ARHGEF6: variants seen among roughly 807,000 people sequenced by gnomAD.
ARHGEF6 encodes Rac/Cdc42 guanine nucleotide exchange factor 6.
A neutral mutation model predicts 70.3 loss-of-function variants in ARHGEF6; 9 were observed. That is an observed-to-expected ratio of 0.13 (90% confidence interval 0.08 to 0.22). The LOEUF (loss-of-function observed/expected upper bound fraction) is 0.22, where lower values mean the gene tolerates loss of function less well. ARHGEF6 is among the 10% of genes least tolerant of loss of function. The probability of loss-of-function intolerance (pLI) is 1.00; values close to 1 mark genes in which losing one functional copy is unlikely to be tolerated. For synonymous variants in ARHGEF6, 201 were observed against 207.8 expected, an observed-to-expected ratio of 0.97 and a Z score of 0.28; for missense variants, 470 against 563.0, an observed-to-expected ratio of 0.83 and a Z score of 1.67.
chrX:136,748,112 G>A (rs2077114508), intron 2 of ARHGEF6, among the ~76,000 whole-genome samples: 1 of 111,751 alleles, frequency 8.9e-6, no homozygotes, highest in Non-Finnish European at 1.9e-5. Flanking sequence ...GCCACCCGCT[G>A]CATCCCAACT....
intron 8 of ARHGEF6, among the ~76,000 whole-genome samples, chrX:136,707,345 T>G (rs2076636787): frequency 8.9e-6 from 1 of 112,310 alleles, no homozygotes; most frequent in African/African-American, 3.2e-5. Flanking sequence ...GGTTAATTTA[T>G]CTAAAGTTTG....
intron 5 of ARHGEF6, among the ~76,000 whole-genome samples, chrX:136,739,086 A>ACTT (rs2077016954): frequency 9.0e-6 from 1 of 111,336 alleles, no homozygotes; most frequent in Admixed American, 9.5e-5. Context: ...ACCGCCTCTT[A>ACTT]ATGTAGCTCC....
intron 9 of ARHGEF6, among the ~76,000 whole-genome samples, chrX:136,696,299 T>G (rs2076509372): frequency 9.0e-6 from 1 of 110,953 alleles, no homozygotes; most frequent in African/African-American, 3.3e-5. Flanking sequence ...ACTACTCAGT[T>G]AAAAAAAAGC....
intron 17 of ARHGEF6, 54 bp from the exon 18 acceptor site, chrX:136,676,771 T>C: frequency 1.1e-6 from 1 of 872,826 alleles, no homozygotes; most frequent in South Asian, 2.0e-5. Context: ...AAAACAAAAG[T>C]AAAAGCATGA....
chrX:136,761,277 G>T (rs771095522), intron 2 of ARHGEF6, among the ~76,000 whole-genome samples: 7 of 111,915 alleles, frequency 6.3e-5, no homozygotes, highest in African/African-American at 2.3e-4. Context: ...GAAAGAACAA[G>T]AACTCTTACA....
At position 136,672,073 on chromosome X, in the gene ARHGEF6, C is replaced by T; in HGVS notation, c.2082G>A (p.Glu694=). Residue 694 remains glutamate (E), a synonymous_variant, in exon 20 of 22, where the codon GAG becomes GAA. Coordinates refer to ENST00000250617, the MANE Select transcript of ARHGEF6 (RefSeq NM_004840.3). ...SIPQVLLPEE[E]KLIIEETRSN... is the part of the protein sequence containing the mutation. ...TTCTGGTTTCTTCAATGATGAGTTT[C>T]TCTTCCTCAGGGAGTAGGACTTGTG... is the stretch of plus-strand genomic sequence containing the variant. The T allele has an allele frequency of 8.3e-7, 1 of 1,211,183 alleles. No individual in the cohort carries two copies. Among genetic ancestry groups the T allele is most frequent in the Non-Finnish European group, 1.1e-6 (1 of 894,858 alleles).
intron 2 of ARHGEF6, among the ~76,000 whole-genome samples, chrX:136,758,257 T>TA (rs1219580567): frequency 1.8e-5 from 2 of 108,424 alleles, no homozygotes; most frequent in African/African-American, 6.7e-5. Flanking sequence ...CTCACCGTGT[T>TA]AGCCAGGATG....
chrX:136,679,445 T>G (rs2076311058), intron 16 of ARHGEF6, 90 bp downstream of exon 16: 1 of 1,076,271 alleles, frequency 9.3e-7, no homozygotes, highest in African/African-American at 1.8e-5. Context: ...CCATCTATCT[T>G]AAATTCTAGC....
intron 6 of ARHGEF6, among the ~76,000 whole-genome samples, chrX:136,719,968 C>T (rs781750032): frequency 3.6e-5 from 4 of 111,861 alleles, no homozygotes; most frequent in Admixed American, 1.9e-4. Context: ...AATAGGCCTA[C>T]ATCTAGTAAA....
chrX:136,670,688 A>G (rs745665303), intron 20 of ARHGEF6, among the ~76,000 whole-genome samples: 7 of 111,293 alleles, frequency 6.3e-5, no homozygotes, highest in Non-Finnish European at 1.3e-4. Flanking sequence ...AATGAACATC[A>G]CCTATCATAT....
intron 5 of ARHGEF6, among the ~76,000 whole-genome samples, chrX:136,742,673 A>G (rs1428376236): frequency 9.0e-6 from 1 of 111,500 alleles, no homozygotes; most frequent in African/African-American, 3.3e-5. Flanking sequence ...AAAAAACTCT[A>G]AGGAAAACTA....
chrX:136,682,626 T>C (rs907163131), intron 13 of ARHGEF6, 132 bp downstream of exon 13: 18 of 509,020 alleles, frequency 3.5e-5, no homozygotes, highest in Non-Finnish European at 6.2e-5. Flanking sequence ...AGCTCTTTAA[T>C]TACAATGAAG....
At chrX:136,668,210 G>A (rs1336568040) in intron 21 of ARHGEF6, 41 bp from the exon 22 acceptor site, 1 of 1,204,898 alleles carries the variant, frequency 8.3e-7, no homozygotes, top group African/African-American at 1.7e-5. Flanking sequence ...AACAGAGGGG[G>A]GCCCTTCCAA....
chrX:136,679,442 T>C (rs2076311008), intron 16 of ARHGEF6, 93 bp downstream of exon 16: 5 of 1,035,755 alleles, frequency 4.8e-6, no homozygotes, highest in Non-Finnish European at 6.7e-6. Flanking sequence ...ATACCATCTA[T>C]CTTAAATTCT....
At chrX:136,727,589 A>C (rs1159172400) in intron 6 of ARHGEF6, among the ~76,000 whole-genome samples, 1 of 99,785 alleles carries the variant, frequency 1.0e-5, no homozygotes, top group Non-Finnish European at 2.0e-5. Flanking sequence ...GCTGGAGTGC[A>C]ATGGTGCAAT....
In ARHGEF6 at chrX:136,708,664, G is replaced by A. The variant is rs774261981; in HGVS notation, c.923+11C>T. The A allele has an allele frequency of 8.4e-7, 1 of 1,185,137 alleles. No homozygotes were observed. The highest frequency in any genetic ancestry group is 1.1e-6 in the Non-Finnish European group (1 of 873,160). On this transcript the variant is annotated intron_variant, in intron 8 of 21. Transcript: ENST00000250617. ...TTGCTGGCTATCCTATCAGAAATAT[G>A]CCACACTTACTTTGAACATTCTTCC...
At chrX:136,710,218 C>T (rs1217366785) in intron 7 of ARHGEF6, among the ~76,000 whole-genome samples, 1 of 105,023 alleles carries the variant, frequency 9.5e-6, no homozygotes, top group Non-Finnish European at 1.9e-5. Flanking sequence ...GCAGGAGAAT[C>T]GCTTGAACCT....
Position 136,718,815 on chromosome X carries a change from C to T in ARHGEF6, c.733-5445G>A, listed in dbSNP as rs548252757. 4.9e-4 allele frequency among the ~76,000 whole-genome samples: 54 copies of T among 109,499 alleles called. No individual in the cohort carries two copies. The South Asian group carries it at 0.02, about 41-fold the overall frequency. ...TGAACAAAGGAACAAAAGAAATGAA[C>T]AAAAGAAACATTTTCTTTGGCTGAG... On this transcript the variant is annotated intron_variant, in intron 6 of 21. Coordinates refer to ENST00000250617, the MANE Select transcript of ARHGEF6 (RefSeq NM_004840.3).
intron 21 of ARHGEF6, 99 bp from the exon 22 acceptor site, chrX:136,668,268 T>A (rs1197045037): frequency 1.7e-5 from 17 of 1,020,764 alleles, no homozygotes; most frequent in Non-Finnish European, 2.3e-5. Flanking sequence ...CTGACTCTCT[T>A]TCTTTCCTCG....
Sources: gnomAD v4.1 joint callset for allele counts (sites outside exome capture counted in the v4.1 genomes callset) on GRCh38, gnomAD v4.1.1 for gene constraint, MANE v1.5 for transcripts, NCBI Gene and HGNC (gene_info 2026-07-23, HGNC 2026-07-21) for gene names.